SPG7: variants seen among roughly 807,000 people sequenced by gnomAD.
The protein encoded by SPG7 is SPG7 matrix AAA peptidase subunit, paraplegin.
SPG7 carries 103 observed loss-of-function variants against 81.9 expected under a neutral mutation model. That is an observed-to-expected ratio of 1.26 (90% confidence interval 1.07 to 1.48). SPG7 has a LOEUF of 1.48. SPG7 is among the 40% of genes most tolerant of loss of function. SPG7 has a pLI of 0.00. For missense variants in SPG7, 1,241 were observed against 1,087.3 expected (o/e 1.14, Z -1.99); for synonymous variants, 534 against 444.2 (o/e 1.20, Z -2.54).
At chr16:89,508,875 C>G in intron 1 of SPG7, 1 of 642,506 alleles carries the variant, frequency 1.6e-6, no homozygotes, top group Non-Finnish European at 2.9e-6. Context: ...TGTTCTCCGC[C>G]CGTCTTCCTC....
intron 9 of SPG7, chr16:89,543,171 T>TCTGCTGACCTTGTGATCCGCCCTCCTC (rs2058519259): frequency 6.6e-6 from 1 of 151,894 alleles, no homozygotes; most frequent in Admixed American, 6.6e-5. Flanking sequence ...ATGCTCTCCA[T>TCTGCTGACCTTGTGATCCGCCCTCCTC]CTGCTGACCT....
intron 16 of SPG7, chr16:89,555,492 C>G (rs2058678053): frequency 6.0e-6 from 1 of 167,756 alleles, no homozygotes; most frequent in South Asian, 2.0e-4. Context: ...CTGAGGAGCC[C>G]CCGCCGACCC....
chr16:89,519,599 C>G (rs780758973), intron 3 of SPG7: 1 of 150,186 alleles, frequency 6.7e-6, no homozygotes, highest in Admixed American at 6.7e-5. Context: ...TCAGGCTTGT[C>G]TCAGACTCCC....
chr16:89,531,700 G>A (rs1165702701), intron 7 of SPG7: 1 of 599,056 alleles, frequency 1.7e-6, no homozygotes, highest in Middle Eastern at 4.3e-4. Flanking sequence ...AAGTAGCTGG[G>A]CGTGGTGCCA....
At chr16:89,515,337 C>T (rs1289519857) in intron 3 of SPG7, among the ~76,000 whole-genome samples, 4 of 151,162 alleles carry the variant, frequency 2.6e-5, no homozygotes, top group South Asian at 4.2e-4. Context: ...GGTGCGATGT[C>T]GGCTCAGTGC....
chr16:89,537,685 T>C, intron 9 of SPG7: 5 of 982,828 alleles, frequency 5.1e-6, no homozygotes, highest in Non-Finnish European at 6.0e-6. Context: ...AGGCTCTGTT[T>C]TTTCAGTCTG....
At chr16:89,509,032 C>T (rs1461517293) in intron 1 of SPG7, 1 of 449,032 alleles carries the variant, frequency 2.2e-6, no homozygotes, top group East Asian at 6.9e-5. Context: ...GTTTCTGTGT[C>T]CGCAAAATAC....
At chr16:89,509,018 G>A (rs1194406200) in intron 1 of SPG7, 1 of 460,290 alleles carries the variant, frequency 2.2e-6, no homozygotes, top group Non-Finnish European at 4.4e-6. Context: ...AGGGGGCCCA[G>A]AACGTTTCTG....
At chr16:89,508,399 G>T, upstream of SPG7, 3 of 1,471,534 alleles carry the variant, frequency 2.0e-6, no homozygotes, top group South Asian at 1.3e-5. Flanking sequence ...GATCACGCAG[G>T]CGCGGCTTTC....
At chr16:89,552,921 C>T in intron 13 of SPG7, 58 bp from the exon 14 acceptor site, 2 of 1,568,312 alleles carry the variant, frequency 1.3e-6, no homozygotes, top group Non-Finnish European at 8.8e-7. Flanking sequence ...CCCACACCTT[C>T]CTCCTCAAAG....
chr16:89,509,173 C>T (rs1479589680), intron 1 of SPG7, among the ~76,000 whole-genome samples: 1 of 152,122 alleles, frequency 6.6e-6, no homozygotes, highest in African/African-American at 2.4e-5. Context: ...GAAAACCAGA[C>T]CTTGTGTCCT....
intron 9 of SPG7, chr16:89,543,245 C>CCACCAGTGGATTCTTTTTTTTTTTTTT: frequency 6.7e-6 from 1 of 149,320 alleles, no homozygotes; most frequent in East Asian, 2.0e-4. Context: ...CCGCGCCTGG[C>CCACCAGTGGATTCTTTTTTTTTTTTTT]TATATCCTGT....
chr16:89,509,540 G>A (rs2057983681), intron 1 of SPG7, among the ~76,000 whole-genome samples: 1 of 151,876 alleles, frequency 6.6e-6, no homozygotes, highest in Non-Finnish European at 1.5e-5. Context: ...GTGAGCCACC[G>A]CGCCCGGCCA....
At position 89,508,629 on chromosome 16, in the gene SPG7, C is replaced by G. The variant is rs563106844; in HGVS notation, c.183+29C>G. On this transcript the variant is annotated intron_variant, in intron 1 of 16. Coordinates refer to ENST00000645818, the MANE Select transcript of SPG7 (RefSeq NM_003119.4). ...AATCCCCGCGGAGTCCGGGCCCCACCTCCCGCCCGGCTCTGCTCTGTAAGG... is the reference window on the plus strand; with the variant it reads ...AATCCCCGCGGAGTCCGGGCCCCACGTCCCGCCCGGCTCTGCTCTGTAAGG... 2.7e-5 allele frequency: 38 copies of G among 1,431,888 alleles called. No individual in the cohort carries two copies. The South Asian group carries it at 4.8e-4, about 18-fold the overall frequency. The allele number at this position is 1,431,888 out of a possible 1,614,324, so 88.7% of individuals were successfully genotyped here. A position where few individuals can be genotyped will look rare whatever the true frequency, so the allele number is the denominator to read the frequency against.
At chr16:89,543,862 T>G (rs913738520) in intron 9 of SPG7, 1 of 150,242 alleles carries the variant, frequency 6.7e-6, no homozygotes, top group African/African-American at 2.5e-5. Flanking sequence ...TTGGCCAGTC[T>G]TCTCTTGGAC....
At chr16:89,540,017 T>G (rs2058475070) in intron 9 of SPG7, 1 of 152,496 alleles carries the variant, frequency 6.6e-6, no homozygotes, top group Non-Finnish European at 1.5e-5. Context: ...AATGCTGTCT[T>G]CTTTCCACCA....
chr16:89,537,610 C>T (rs1460128970), intron 9 of SPG7: 2 of 929,204 alleles, frequency 2.2e-6, no homozygotes, highest in Non-Finnish European at 2.6e-6. Flanking sequence ...TAGCTCACTG[C>T]AGCCTCCACC....
chr16:89,551,173 C>T (rs552167754), intron 13 of SPG7: 8 of 182,226 alleles, frequency 4.4e-5, no homozygotes, highest in Non-Finnish European at 4.7e-5. Context: ...GCTCCACCAC[C>T]GGGAGTCCGA....
intron 2 of SPG7, among the ~76,000 whole-genome samples, chr16:89,512,215 C>G (rs147559658): frequency 3.9e-4 from 59 of 150,506 alleles, no homozygotes; most frequent in African/African-American, 1.4e-3. Context: ...CTGGCCTCCC[C>G]CATTTGTAAA....
Sources: allele counts gnomAD v4.1 joint callset (sites outside exome capture counted in the v4.1 genomes callset), GRCh38; gene constraint gnomAD v4.1.1; transcripts MANE v1.5; gene names NCBI Gene and HGNC (gene_info 2026-07-23, HGNC 2026-07-21).